AGMAT: variants seen among roughly 807,000 people sequenced by gnomAD.
AGMAT encodes the protein guanidino acid hydrolase, mitochondrial.
A neutral mutation model predicts 29.3 loss-of-function variants in AGMAT; 37 were observed. The ratio of observed to expected loss-of-function variants is 1.26; its 90% CI spans 0.97 to 1.66. The LOEUF is 1.66. Among genes scored for constraint, AGMAT ranks in the 40% most tolerant of loss-of-function variants. The pLI is 0.00. For missense variants in AGMAT, 498 were observed against 497.8 expected, an observed-to-expected ratio of 1.00 and a Z score of 0.00; for synonymous variants, 199 against 200.8, an observed-to-expected ratio of 0.99 and a Z score of 0.08.
At position 15,573,392 on chromosome 1, in the gene AGMAT, C is replaced by T. The variant is rs1394033398; in HGVS notation, c.*259G>A. 2 of 387,808 alleles carry T rather than the reference C, an allele frequency of 5.2e-6. No homozygotes were observed. Among genetic ancestry groups the T allele is most frequent in the African/African-American group, 2.0e-5 (1 of 49,724 alleles). The allele number at this position is 387,808 out of a possible 1,614,324, so 24.0% of individuals were successfully genotyped here. On this transcript the variant is annotated 3_prime_UTR_variant, in exon 7 of 7. Coordinates refer to ENST00000375826, the MANE Select transcript of AGMAT (RefSeq NM_024758.5). ...AAATTCTCCTCACTTCCCCTTTATC[C>T]TCCATCTTTCATCAAAGGAAAAAAA...
intron 1 of AGMAT, 68 bp from the exon 2 acceptor site, chr1:15,583,463 C>T: frequency 6.9e-7 from 1 of 1,456,026 alleles, no homozygotes; most frequent in South Asian, 1.2e-5. Flanking sequence ...TAGGCCAGGG[C>T]TTCTCAGCCT....
In AGMAT at chr1:15,573,617, G is replaced by A. The variant is rs751102238; in HGVS notation, c.*34C>T. On this transcript the variant is annotated 3_prime_UTR_variant, in exon 7 of 7. Transcript: ENST00000375826. ...AAGTTCTTCTTGAGAACTTGTCAGC[G>A]ACGCAATCTGTTTTGTCTTGAAGAG... 2.4e-5 allele frequency: 39 copies of A among 1,597,746 alleles called. No homozygotes were observed. Among genetic ancestry groups the A allele is most frequent in the South Asian group, 8.8e-5 (8 of 90,692 alleles).
intron 5 of AGMAT, chr1:15,575,096 G>C (rs967151491): frequency 2.8e-6 from 1 of 354,478 alleles, no homozygotes; most frequent in Non-Finnish European, 5.3e-6. Flanking sequence ...TGCACCAAGG[G>C]CTTCAAGGAA....
At chr1:15,580,052 G>A (rs1639090365) in intron 3 of AGMAT, 42 bp downstream of exon 3, 2 of 1,587,782 alleles carry the variant, frequency 1.3e-6, no homozygotes, top group Admixed American at 1.7e-5. Flanking sequence ...CCTAGCTTCT[G>A]GCTTTTGAAA....
chr1:15,584,247 A>G (rs2103440993), intron 1 of AGMAT, among the ~76,000 whole-genome samples: 1 of 152,182 alleles, frequency 6.6e-6, no homozygotes, highest in South Asian at 2.1e-4. Flanking sequence ...GGTTCAAGCG[A>G]TTCTCCTGCC....
chr1:15,580,804 C>G (rs913683971), intron 2 of AGMAT, among the ~76,000 whole-genome samples: 1 of 151,768 alleles, frequency 6.6e-6, no homozygotes, highest in Non-Finnish European at 1.5e-5. Context: ...GGAGAAACCC[C>G]GTCTCTACTG....
intron 5 of AGMAT, chr1:15,575,409 G>C (rs1639023406): frequency 6.5e-6 from 1 of 152,690 alleles, no homozygotes; most frequent in Non-Finnish European, 1.5e-5. Flanking sequence ...AAGAGAGGAT[G>C]GTTACAGCCA....
chr1:15,574,505 A>T (rs1481518038), intron 6 of AGMAT, among the ~76,000 whole-genome samples: 3 of 151,316 alleles, frequency 2.0e-5, no homozygotes, highest in Admixed American at 6.6e-5. Context: ...TAGCCTCCTG[A>T]GTACCTGGGA....
In AGMAT at chr1:15,583,409, A is replaced by G; in HGVS notation, c.273-14T>C. On this transcript the variant is annotated splice_polypyrimidine_tract_variant and intron_variant, in intron 1 of 6. Coordinates refer to ENST00000375826, the MANE Select transcript of AGMAT (RefSeq NM_024758.5). Reference sequence around the variant, plus strand: ...CGAGGTCCGAATCTGCAGAAGGAAGAATCATCCTGTCAGCCATCATCTGCA... The same window carrying G: ...CGAGGTCCGAATCTGCAGAAGGAAGGATCATCCTGTCAGCCATCATCTGCA... The G allele has an allele frequency of 6.2e-7, 1 of 1,605,248 alleles. No homozygotes were observed. The highest frequency in any genetic ancestry group is 8.5e-7 in the Non-Finnish European group (1 of 1,175,902).
rs1638990178 is a variant in AGMAT at position 15,573,548 on chromosome 1, G to A, written c.*103C>T. On this transcript the variant is annotated 3_prime_UTR_variant, in exon 7 of 7. Transcript: ENST00000375826. ...CCAGCAATGACACTTTCAGCAGAAA[G>A]TTTTCTTGGCATAAACTCTTTAGTT... 4 of 1,096,472 alleles carry A rather than the reference G, an allele frequency of 3.6e-6. No homozygotes were observed. In the East Asian group the frequency reaches 7.3e-5, roughly 20 times the overall value. 67.9% of individuals were successfully genotyped at this position (1,096,472 alleles called of 1,614,324 possible).
intron 1 of AGMAT, among the ~76,000 whole-genome samples, chr1:15,584,104 C>T (rs1007974599): frequency 6.6e-6 from 1 of 152,182 alleles, no homozygotes; most frequent in Non-Finnish European, 1.5e-5. Context: ...AGCAAGGCCC[C>T]AGGATGGGGA....
chr1:15,574,978 G>A, intron 5 of AGMAT, 137 bp from the exon 6 acceptor site: 2 of 631,330 alleles, frequency 3.2e-6, no homozygotes, highest in Non-Finnish European at 2.9e-6. Context: ...TGACTGCCAG[G>A]CACACTGGCA....
chr1:15,577,885 G>A, intron 4 of AGMAT, 21 bp from the exon 5 acceptor site: 1 of 1,608,208 alleles, frequency 6.2e-7, no homozygotes, highest in Non-Finnish European at 8.5e-7. Flanking sequence ...AGGGACTGAG[G>A]TTTCTGTCTG....
At chr1:15,580,274 C>T (rs1475089201) in intron 2 of AGMAT, 132 bp from the exon 3 acceptor site, 8 of 707,994 alleles carry the variant, frequency 1.1e-5, no homozygotes, top group South Asian at 5.3e-5. Flanking sequence ...GGCACAATCT[C>T]GGCTCACTGC....
rs59203066 is a variant in AGMAT at position 15,576,740 on chromosome 1, C to CTTTTTTTTTTTTTTTTTTTTTTTTTTTT, written c.900+944_900+945insAAAAAAAAAAAAAAAAAAAAAAAAAAAA. Among the ~76,000 whole-genome samples the CTTTTTTTTTTTTTTTTTTTTTTTTTTTT allele has an allele frequency of 1.1e-4, 4 of 35,800 alleles. 1 individual carries two copies. Among genetic ancestry groups the CTTTTTTTTTTTTTTTTTTTTTTTTTTTT allele is most frequent in the African/African-American group, 1.9e-4 (2 of 10,348 alleles). The allele number at this position is 35,800 out of a possible 152,430, so 23.5% of individuals were successfully genotyped here. A position where few individuals can be genotyped will look rare whatever the true frequency, so the allele number is the denominator to read the frequency against. ...ACGACACCTGGCCAAGTTTAGTGTT[C>CTTTTTTTTTTTTTTTTTTTTTTTTTTTT]TTTTTTTTTTTTTTTTTTTTTTTTT... On this transcript the variant is annotated intron_variant, in intron 5 of 6. Coordinates refer to ENST00000375826, the MANE Select transcript of AGMAT (RefSeq NM_024758.5).
intron 2 of AGMAT, 121 bp from the exon 3 acceptor site, chr1:15,580,263 T>G (rs909564626): frequency 2.5e-6 from 2 of 807,290 alleles, no homozygotes; most frequent in Non-Finnish European, 3.9e-6. Flanking sequence ...TGGAGTTCAA[T>G]GGCACAATCT....
intron 4 of AGMAT, among the ~76,000 whole-genome samples, chr1:15,578,648 T>C (rs374441394): frequency 3.3e-5 from 5 of 151,866 alleles, no homozygotes; most frequent in East Asian, 3.9e-4. Flanking sequence ...TTTCTGCTTG[T>C]CTCCCCCGCC....
Position 15,578,845 on chromosome 1 carries a change from A to G in AGMAT, c.720+14T>C. The stretch of plus-strand genomic sequence containing the variant: ...ATTTTGAGGGGCAAGGGTGGGGGGC[A>G]TTCGGTCTGTCACCTGGCTCCGGTT... On this transcript the variant is annotated intron_variant, in intron 4 of 6. Transcript: ENST00000375826. The G allele has an allele frequency of 1.9e-6, 3 of 1,611,698 alleles. No individual in the cohort carries two copies. Among genetic ancestry groups the G allele is most frequent in the Non-Finnish European group, 1.7e-6 (2 of 1,178,088 alleles).
intron 5 of AGMAT, among the ~76,000 whole-genome samples, chr1:15,576,359 C>G (rs1261015466): frequency 6.6e-6 from 1 of 152,102 alleles, no homozygotes; most frequent in Non-Finnish European, 1.5e-5. Flanking sequence ...GATGCCTTGG[C>G]CTCCCAAAGT....
Sources: gnomAD v4.1 joint callset for allele counts (sites outside exome capture counted in the v4.1 genomes callset) on GRCh38, gnomAD v4.1.1 for gene constraint, MANE v1.5 for transcripts, NCBI Gene and HGNC (gene_info 2026-07-23, HGNC 2026-07-21) for gene names.